Variants in NRXN3 observed in about 807,000 individuals in gnomAD.
NRXN3 encodes the protein neurexin III.
NRXN3 carries 32 observed loss-of-function variants against 137.6 expected under a neutral mutation model. The ratio of observed to expected loss-of-function variants is 0.23; its 90% CI spans 0.18 to 0.31. NRXN3 has a LOEUF of 0.31. NRXN3 is among the 10% of genes least tolerant of loss of function. The pLI is 1.00. For synonymous variants in NRXN3, 798 were observed against 784.5 expected, an observed-to-expected ratio of 1.02 and a Z score of -0.29; for missense variants, 1,574 against 2,062.5, an observed-to-expected ratio of 0.76 and a Z score of 4.59.
chr14:78,977,346 G>A (rs1402935649), intron 14 of NRXN3, among the ~76,000 whole-genome samples: 4 of 152,160 alleles, frequency 2.6e-5, no homozygotes, highest in African/African-American at 7.2e-5. Flanking sequence ...TTAGAGCAAA[G>A]TATTTTAAAT....
chr14:78,971,425 C>CATAT (rs10560521), intron 14 of NRXN3, among the ~76,000 whole-genome samples: 12 of 148,436 alleles, frequency 8.1e-5, no homozygotes, highest in Admixed American at 1.3e-4. Context: ...CACAGATAAA[C>CATAT]ATATATATAT....
At chr14:78,225,724 C>T (rs1305818222) in intron 1 of NRXN3, among the ~76,000 whole-genome samples, 1 of 152,124 alleles carries the variant, frequency 6.6e-6, no homozygotes, top group Non-Finnish European at 1.5e-5. Flanking sequence ...TATGGCTTCC[C>T]GAACATCCCA....
intron 10 of NRXN3, among the ~76,000 whole-genome samples, chr14:78,943,916 A>G (rs898024966): frequency 6.6e-6 from 1 of 151,786 alleles, no homozygotes; most frequent in Non-Finnish European, 1.5e-5. Flanking sequence ...CTGAAGAATT[A>G]GTTTGCAACA....
At chr14:78,738,232 A>G (rs1169614624) in intron 8 of NRXN3, among the ~76,000 whole-genome samples, 2 of 152,194 alleles carry the variant, frequency 1.3e-5, no homozygotes, top group Non-Finnish European at 2.9e-5. Context: ...ACATTGTGCT[A>G]AGCACTGGGA....
chr14:78,446,626 T>C (rs1016888707), intron 4 of NRXN3, among the ~76,000 whole-genome samples: 2 of 152,236 alleles, frequency 1.3e-5, no homozygotes, highest in Non-Finnish European at 2.9e-5. Context: ...CTTCATGATA[T>C]TCTGCAATGT....
intron 19 of NRXN3, among the ~76,000 whole-genome samples, chr14:79,754,176 A>C (rs2099009343): frequency 6.6e-6 from 1 of 151,842 alleles, no homozygotes; most frequent in Admixed American, 6.6e-5. Flanking sequence ...AAGAAAAAAC[A>C]AAAACAAAAA....
At chr14:78,947,980 A>T (rs2099370633) in intron 10 of NRXN3, among the ~76,000 whole-genome samples, 1 of 152,180 alleles carries the variant, frequency 6.6e-6, no homozygotes, top group Admixed American at 6.5e-5. Flanking sequence ...ATCCTAGGTA[A>T]TTGACGTTAC....
intron 4 of NRXN3, among the ~76,000 whole-genome samples, chr14:78,630,633 C>T (rs1225207579): frequency 1.4e-5 from 2 of 139,452 alleles, no homozygotes. Flanking sequence ...GAGACGGAGT[C>T]TCATTCTGTC....
chr14:79,646,677 G>A (rs1266549234), intron 16 of NRXN3, among the ~76,000 whole-genome samples: 1 of 135,366 alleles, frequency 7.4e-6, no homozygotes, highest in Non-Finnish European at 1.7e-5. Flanking sequence ...ATCTGTGGTG[G>A]CAGGATTGTC....
At chr14:78,679,582 A>G (rs1206272633) in intron 6 of NRXN3, among the ~76,000 whole-genome samples, 1 of 152,168 alleles carries the variant, frequency 6.6e-6, no homozygotes, top group Non-Finnish European at 1.5e-5. Flanking sequence ...TTTCAGAATA[A>G]GTGTATTGAA....
chr14:78,499,715 C>T (rs1276312581), intron 4 of NRXN3, among the ~76,000 whole-genome samples: 2 of 152,114 alleles, frequency 1.3e-5, no homozygotes, highest in African/African-American at 4.8e-5. Context: ...GAACCTGCCT[C>T]CAAGTTCACC....
At chr14:78,443,431 G>C (rs1254728453) in intron 4 of NRXN3, among the ~76,000 whole-genome samples, 1 of 152,132 alleles carries the variant, frequency 6.6e-6, no homozygotes, top group African/African-American at 2.4e-5. Flanking sequence ...TCTGCCACCT[G>C]ATCATCTAAA....
chr14:79,622,565 G>A (rs2098235863), intron 16 of NRXN3, among the ~76,000 whole-genome samples: 1 of 152,006 alleles, frequency 6.6e-6, no homozygotes, highest in African/African-American at 2.4e-5. Flanking sequence ...GATACTACTT[G>A]TCTGTTATTA....
chr14:79,314,108 G>T (rs1014492738), intron 15 of NRXN3: 1 of 154,076 alleles, frequency 6.5e-6, no homozygotes, highest in Non-Finnish European at 1.4e-5. Context: ...CTCCCAGCGT[G>T]AGCGACGCAG....
chr14:79,799,303 G>A (rs892429598), intron 19 of NRXN3, among the ~76,000 whole-genome samples: 1 of 152,076 alleles, frequency 6.6e-6, no homozygotes, highest in African/African-American at 2.4e-5. Context: ...AATATATAGG[G>A]GCAGAGGAAT....
At chr14:78,944,987 A>C (rs908442164) in intron 10 of NRXN3, among the ~76,000 whole-genome samples, 6 of 152,218 alleles carry the variant, frequency 3.9e-5, no homozygotes, top group Admixed American at 1.3e-4. Flanking sequence ...CACTGGCCTA[A>C]ATGATGCCTT....
At chr14:79,324,433 G>A (rs978413437) in intron 15 of NRXN3, among the ~76,000 whole-genome samples, 4 of 152,156 alleles carry the variant, frequency 2.6e-5, no homozygotes, top group African/African-American at 9.7e-5. Flanking sequence ...AGTTCCTTTA[G>A]ACAAATGGTA....
At chr14:79,691,314 T>A (rs983095625) in intron 17 of NRXN3, among the ~76,000 whole-genome samples, 1 of 151,858 alleles carries the variant, frequency 6.6e-6, no homozygotes, top group African/African-American at 2.4e-5. Flanking sequence ...TGGATGCTTG[T>A]TCAGAAAGGT....
At chr14:79,227,804 T>TTCCTC (rs2071311377) in intron 15 of NRXN3, among the ~76,000 whole-genome samples, 3 of 106,610 alleles carry the variant, frequency 2.8e-5, no homozygotes, top group Admixed American at 1.1e-4. Context: ...CTTCCTCCCT[T>TTCCTC]CCTCCCTCCC....
Sources: allele counts gnomAD v4.1 joint callset (sites outside exome capture counted in the v4.1 genomes callset), GRCh38; gene constraint gnomAD v4.1.1; transcripts MANE v1.5; gene names NCBI Gene and HGNC (gene_info 2026-07-23, HGNC 2026-07-21).